CDK7: variants seen among roughly 807,000 people sequenced by gnomAD.
CDK7 encodes cyclin-dependent kinase 7.
A neutral mutation model predicts 49.1 loss-of-function variants in CDK7; 25 were observed. The observed-to-expected ratio is 0.51, with a 90% CI of 0.37 to 0.71. The LOEUF is 0.71. CDK7 is among the 30% of genes least tolerant of loss of function. The pLI is 0.00. For synonymous variants in CDK7, 107 were observed against 140.0 expected (o/e 0.76, Z 1.67); for missense variants, 316 against 411.7 (o/e 0.77, Z 2.01).
At chr5:69,260,035 G>C (rs1476830882) in intron 7 of CDK7, 99 bp downstream of exon 7, 2 of 759,380 alleles carry the variant, frequency 2.6e-6, no homozygotes. Flanking sequence ...AATCATTGTT[G>C]ATAGATACCG....
chr5:69,261,490 C>CTGTGTGTGTGTGTGTGTGTG (rs1168767153), intron 7 of CDK7, among the ~76,000 whole-genome samples: 2 of 139,546 alleles, frequency 1.4e-5, no homozygotes, highest in Non-Finnish European at 3.1e-5. Context: ...AAAAGGTTCT[C>CTGTGTGTGTGTGTGTGTGTG]TGTGTGTGTG....
chr5:69,262,668 CAAAAAA>C (rs35645434), intron 8 of CDK7, among the ~76,000 whole-genome samples: 8 of 113,576 alleles, frequency 7.0e-5, no homozygotes, highest in Non-Finnish European at 1.4e-4. Flanking sequence ...GGCTCCATCT[CAAAAAA>C]AAAAAAAAAG....
At chr5:69,275,539 G>A (rs1461930917) in intron 10 of CDK7, among the ~76,000 whole-genome samples, 1 of 152,094 alleles carries the variant, frequency 6.6e-6, no homozygotes, top group African/African-American at 2.4e-5. Context: ...CCAAATATCC[G>A]AAATCTGAAA....
chr5:69,252,536 G>A (rs1423734627), intron 3 of CDK7, 85 bp downstream of exon 3: 5 of 712,618 alleles, frequency 7.0e-6, no homozygotes, highest in Admixed American at 3.5e-5. Context: ...AAAAGACAGG[G>A]TCTTGCTCTG....
At chr5:69,237,944 G>A (rs532087987) in intron 2 of CDK7, among the ~76,000 whole-genome samples, 3 of 152,214 alleles carry the variant, frequency 2.0e-5, no homozygotes, top group East Asian at 1.9e-4. Flanking sequence ...AGTTTTAGAC[G>A]TTGTCTATAC....
At chr5:69,273,085 T>A in intron 10 of CDK7, 44 bp downstream of exon 10, 3 of 1,299,928 alleles carry the variant, frequency 2.3e-6, no homozygotes, top group Non-Finnish European at 3.2e-6. Context: ...ATAAAAATAA[T>A]CTTAACTGTA....
rs193107048 is a variant in CDK7, at chr5:69,234,988, G to A, written c.13G>A (p.Val5Met). The A allele has an allele frequency of 6.3e-5, 100 of 1,599,182 alleles. No individual in the cohort carries two copies. The highest frequency in any genetic ancestry group is 8.3e-5 in the Non-Finnish European group (97 of 1,173,236). ...TTTACGGCGCCGGATGGCTCTGGAC[G>A]TGAAGTCTCGGGCAAAGCGTTATGA... MALD[V>M]KSRAKRYEKL... Residue 5 changes from valine to methionine, a missense_variant, in exon 1 of 12, where the codon GTG becomes ATG. Physicochemically the swap from Val to Met is conservative, Grantham distance 21. Transcript: ENST00000256443.
rs574518287 is a variant in CDK7 at position 69,273,076 on chromosome 5, TA to T, written c.864+40del. On this transcript the variant is annotated intron_variant, in intron 10 of 11. Transcript: ENST00000256443. ...TGTATCTTTTTTATACTAGGAAATA[TA>T]AAAATAATCTTAACTGTAGCATTGA... 783 of 1,385,632 alleles carry T rather than the reference TA, an allele frequency of 5.7e-4. 5 individuals are homozygous for T. The African/African-American group carries it at 0.01, about 18-fold the overall frequency. 85.8% of individuals were successfully genotyped at this position (1,385,632 alleles called of 1,614,324 possible). A position where few individuals can be genotyped will look rare whatever the true frequency, so the allele number is the denominator to read the frequency against.
intron 10 of CDK7, among the ~76,000 whole-genome samples, chr5:69,274,029 CTT>C (rs1438966432): frequency 6.6e-5 from 10 of 152,208 alleles, no homozygotes; most frequent in African/African-American, 1.4e-4. Flanking sequence ...TACACATACT[CTT>C]TTAATTTCAA....
chr5:69,274,032 T>C (rs1751853981), intron 10 of CDK7, among the ~76,000 whole-genome samples: 1 of 152,206 alleles, frequency 6.6e-6, no homozygotes, highest in Admixed American at 6.5e-5. Flanking sequence ...ACATACTCTT[T>C]TAATTTCAAA....
At chr5:69,262,142 C>G (rs776675573) in intron 7 of CDK7, 63 bp from the exon 8 acceptor site, 33 of 1,604,040 alleles carry the variant, frequency 2.1e-5, no homozygotes, top group Non-Finnish European at 2.6e-5. Context: ...TCGTTCATCC[C>G]TAGAGATAGA....
intron 1 of CDK7, 149 bp downstream of exon 1, chr5:69,235,190 C>CTTTA (rs1450355635): frequency 2.5e-6 from 2 of 797,082 alleles, no homozygotes; most frequent in African/African-American, 3.5e-5. Context: ...GCTGCCCATT[C>CTTTA]TTTACATCCT....
At chr5:69,235,090 G>T (rs1405124333) in intron 1 of CDK7, 49 bp downstream of exon 1, 1 of 1,526,618 alleles carries the variant, frequency 6.6e-7, no homozygotes, top group South Asian at 1.2e-5. Context: ...ACAGCCCCGC[G>T]CCGCCTCCAC....
At chr5:69,275,064 C>CAAAA (rs60134652) in intron 10 of CDK7, among the ~76,000 whole-genome samples, 5 of 107,102 alleles carry the variant, frequency 4.7e-5, no homozygotes, top group Non-Finnish European at 8.4e-5. Flanking sequence ...ACTCTGTATC[C>CAAAA]AAAAAAAAAA....
intron 2 of CDK7, among the ~76,000 whole-genome samples, chr5:69,251,996 A>T (rs1750174637): frequency 6.6e-6 from 1 of 152,170 alleles, no homozygotes. Flanking sequence ...GCTTTTTGAA[A>T]AATGTGGTGT....
intron 2 of CDK7, among the ~76,000 whole-genome samples, chr5:69,240,064 T>C (rs1384742611): frequency 1.3e-5 from 2 of 152,136 alleles, no homozygotes; most frequent in Non-Finnish European, 2.9e-5. Flanking sequence ...AGTCTGTCCT[T>C]TTCCCAATGA....
intron 2 of CDK7, 114 bp downstream of exon 2, chr5:69,235,567 C>T: frequency 1.3e-6 from 1 of 742,764 alleles, no homozygotes; most frequent in Non-Finnish European, 2.3e-6. Context: ...TTACTCATGT[C>T]ATTTTCAGAG....
chr5:69,242,471 T>A (rs2150186111), intron 2 of CDK7, among the ~76,000 whole-genome samples: 1 of 152,304 alleles, frequency 6.6e-6, no homozygotes, highest in South Asian at 2.1e-4. Flanking sequence ...GTCTGAAAGA[T>A]ACCCCAACCA....
chr5:69,272,894 CAT>C lies in CDK7; in HGVS notation c.718_719del (p.Met240ValfsTer2), dbSNP rs1751709018. 1.9e-6 allele frequency: 3 copies of C among 1,573,850 alleles called. No individual in the cohort carries two copies. Among genetic ancestry groups the C allele is most frequent in the Non-Finnish European group, 2.6e-6 (3 of 1,156,670 alleles). On this transcript the variant is annotated frameshift_variant, in exon 10 of 12. Coordinates refer to ENST00000256443, the MANE Select transcript of CDK7 (RefSeq NM_001799.4). LOFTEE classifies it high-confidence loss of function. ...GAATTACAAAATTATTTTTACAGGA[CAT>C]GTGTAGTCTTCCAGATTATGTGACA... ...GTPTEEQWPD[M>X]CSLPDYVTFK... is the part of the protein sequence containing the mutation.
Sources: gnomAD v4.1 joint callset for allele counts (sites outside exome capture counted in the v4.1 genomes callset) on GRCh38, gnomAD v4.1.1 for gene constraint, MANE v1.5 for transcripts, NCBI Gene and HGNC (gene_info 2026-07-23, HGNC 2026-07-21) for gene names.